Variants in LOXHD1 observed in about 807,000 individuals in gnomAD.
LOXHD1 encodes lipoxygenase homology PLAT domains 1, also known as lipoxygenase homology domain-containing protein 1.
A neutral mutation model predicts 248.2 loss-of-function variants in LOXHD1; 205 were observed. That is an observed-to-expected ratio of 0.83 (90% CI 0.74 to 0.93). LOXHD1 has a LOEUF of 0.93. Ranked by LOEUF, LOXHD1 falls within the 40% of genes least tolerant of loss-of-function variation. The pLI is 0.00. For synonymous variants in LOXHD1, 1,113 were observed against 1,162.8 expected (o/e 0.96, Z 0.87); for missense variants, 2,930 against 2,971.6 (o/e 0.99, Z 0.33).
intron 14 of LOXHD1, among the ~76,000 whole-genome samples, chr18:46,574,090 G>T (rs1165942472): frequency 6.6e-6 from 1 of 152,112 alleles, no homozygotes; most frequent in Admixed American, 6.5e-5. Flanking sequence ...GGGCAGTGAA[G>T]TGTGGAGAGT....
At chr18:46,567,374 C>G (rs957073901) in intron 16 of LOXHD1, among the ~76,000 whole-genome samples, 2 of 152,222 alleles carry the variant, frequency 1.3e-5, no homozygotes, top group African/African-American at 4.8e-5. Context: ...CTCTTTGCAG[C>G]TGGTAATGGC....
At chr18:46,509,061 T>C (rs2034777721) in intron 35 of LOXHD1, among the ~76,000 whole-genome samples, 1 of 152,104 alleles carries the variant, frequency 6.6e-6, no homozygotes, top group African/African-American at 2.4e-5. Context: ...TGTGCATGTA[T>C]GTGTGTGCAT....
intron 5 of LOXHD1, 77 bp from the exon 6 acceptor site, chr18:46,611,001 C>T (rs1269852906): frequency 1.3e-6 from 2 of 1,501,270 alleles, no homozygotes; most frequent in Non-Finnish European, 8.9e-7. Context: ...GGTCCGCCCA[C>T]TGAAAGATGC....
chr18:46,546,584 A>T (rs1458558587), intron 22 of LOXHD1, among the ~76,000 whole-genome samples: 1 of 151,888 alleles, frequency 6.6e-6, no homozygotes, highest in African/African-American at 2.4e-5. Flanking sequence ...ATTCCATTCC[A>T]ATCATCCCAA....
At chr18:46,482,970 C>T (rs2032709770) in intron 40 of LOXHD1, among the ~76,000 whole-genome samples, 1 of 152,202 alleles carries the variant, frequency 6.6e-6, no homozygotes, top group South Asian at 2.1e-4. Flanking sequence ...AGGGCTCTTC[C>T]TGGCTTCCAG....
intron 6 of LOXHD1, among the ~76,000 whole-genome samples, chr18:46,606,592 A>T (rs908577419): frequency 2.0e-5 from 3 of 152,172 alleles, no homozygotes; most frequent in Non-Finnish European, 2.9e-5. Flanking sequence ...AATAAATTTC[A>T]TGTTTAGACT....
intron 7 of LOXHD1, among the ~76,000 whole-genome samples, chr18:46,602,454 C>G (rs962221523): frequency 2.0e-5 from 3 of 152,040 alleles, no homozygotes; most frequent in Non-Finnish European, 2.9e-5. Flanking sequence ...GATCCACCCC[C>G]CTCAGACTCC....
chr18:46,552,254 A>C (rs918637324), intron 21 of LOXHD1, among the ~76,000 whole-genome samples: 2 of 152,214 alleles, frequency 1.3e-5, no homozygotes, highest in African/African-American at 2.4e-5. Context: ...GAGGCAGTAA[A>C]AAAACAAAAC....
intron 2 of LOXHD1, among the ~76,000 whole-genome samples, chr18:46,645,766 A>G (rs2039021414): frequency 6.6e-6 from 1 of 151,606 alleles, no homozygotes; most frequent in South Asian, 2.1e-4. Flanking sequence ...ATTATTCTGT[A>G]CTAGGAAAAA....
intron 21 of LOXHD1, among the ~76,000 whole-genome samples, chr18:46,552,568 G>A (rs1568176078): frequency 6.6e-6 from 1 of 152,120 alleles, no homozygotes; most frequent in Non-Finnish European, 1.5e-5. Context: ...GGACAGCACA[G>A]CCCCTGGACC....
At chr18:46,621,234 T>C (rs2038664471) in intron 4 of LOXHD1, among the ~76,000 whole-genome samples, 1 of 152,164 alleles carries the variant, frequency 6.6e-6, no homozygotes, top group South Asian at 2.1e-4. Flanking sequence ...CCAATCACAT[T>C]GAGAAGGAGA....
At chr18:46,641,814 G>A (rs2038966110) in intron 3 of LOXHD1, 142 bp downstream of exon 3, 1 of 823,150 alleles carries the variant, frequency 1.2e-6, no homozygotes, top group African/African-American at 1.7e-5. Flanking sequence ...CTGTGATTCA[G>A]GATGACAGGG....
intron 37 of LOXHD1, among the ~76,000 whole-genome samples, chr18:46,498,502 G>C (rs969405606): frequency 1.6e-4 from 24 of 152,150 alleles, no homozygotes; most frequent in Admixed American, 9.2e-4. Flanking sequence ...CTGCAGTCAA[G>C]GTGTCAGAAG....
Position 46,488,982 on chromosome 18 carries a change from C to T in LOXHD1, c.6039G>A (p.Leu2013=). The T allele has an allele frequency of 1.3e-6, 2 of 1,551,608 alleles. No homozygotes were observed. Among genetic ancestry groups the T allele is most frequent in the South Asian group, 1.2e-5 (1 of 84,054 alleles). ...ACANNKICDE[L]EETTYEIVIE... is the part of the protein sequence containing the mutation. ...ATCTCCCCCACATACTGGTCTCTTC[C>T]AGCTCATCACAGATCTTGTTGTTGG... The change falls in exon 38 of 41, where the codon CTG becomes CTA. Residue 2013 remains leucine (L), a synonymous_variant. Coordinates refer to ENST00000642948, the MANE Select transcript of LOXHD1 (RefSeq NM_001384474.1).
intron 34 of LOXHD1, among the ~76,000 whole-genome samples, chr18:46,517,201 G>T (rs1241382323): frequency 6.6e-6 from 1 of 152,164 alleles, no homozygotes; most frequent in African/African-American, 2.4e-5. Flanking sequence ...GGGGGACAGT[G>T]GCTGAACATG....
chr18:46,618,726 C>T (rs1023625091), intron 4 of LOXHD1, among the ~76,000 whole-genome samples: 1 of 152,210 alleles, frequency 6.6e-6, no homozygotes, highest in Non-Finnish European at 1.5e-5. Flanking sequence ...TCTGTATCTC[C>T]TCTGCCTTTC....
intron 12 of LOXHD1, among the ~76,000 whole-genome samples, chr18:46,589,151 T>TG (rs2038117967): frequency 6.6e-6 from 1 of 152,192 alleles, no homozygotes; most frequent in African/African-American, 2.4e-5. Context: ...TGCAGGTTGT[T>TG]GGCAAACTGA....
chr18:46,627,928 G>A (rs1055437818), intron 4 of LOXHD1, among the ~76,000 whole-genome samples: 4 of 152,114 alleles, frequency 2.6e-5, no homozygotes, highest in Non-Finnish European at 5.9e-5. Flanking sequence ...ACTCTCTCCC[G>A]TCTAGACTCT....
intron 38 of LOXHD1, among the ~76,000 whole-genome samples, chr18:46,485,625 G>A (rs890677790): frequency 1.3e-5 from 2 of 152,152 alleles, no homozygotes; most frequent in Admixed American, 6.5e-5. Flanking sequence ...TCACTCAATC[G>A]TGTCTGCACA....
Sources: allele counts gnomAD v4.1 joint callset (sites outside exome capture counted in the v4.1 genomes callset), GRCh38; gene constraint gnomAD v4.1.1; transcripts MANE v1.5; gene names NCBI Gene and HGNC (gene_info 2026-07-23, HGNC 2026-07-21).